Variants in AFF3 observed in about 807,000 individuals in gnomAD.
AFF3 encodes ALF transcription elongation factor 3.
In AFF3, 32 loss-of-function variants were observed where a neutral mutation model predicts 129.7. The observed-to-expected ratio is 0.25, with a 90% CI of 0.19 to 0.33. The LOEUF (loss-of-function observed/expected upper bound fraction) is 0.33. Among genes scored for constraint, AFF3 ranks in the 10% least tolerant of loss-of-function variants. The probability of loss-of-function intolerance (pLI) is 1.00; values close to 1 mark genes in which losing one functional copy is unlikely to be tolerated. For synonymous variants in AFF3, 644 were observed against 635.4 expected, an observed-to-expected ratio of 1.01 and a Z score of -0.20; for missense variants, 1,373 against 1,592.0, an observed-to-expected ratio of 0.86 and a Z score of 2.34.
At chr2:99,720,828 G>A (rs1172439401) in intron 11 of AFF3, among the ~76,000 whole-genome samples, 2 of 151,898 alleles carry the variant, frequency 1.3e-5, no homozygotes, top group Non-Finnish European at 2.9e-5. Flanking sequence ...GTTTCTCTGG[G>A]TATTATACCA....
At chr2:99,917,348 G>C (rs1330223989) in intron 7 of AFF3, among the ~76,000 whole-genome samples, 2 of 152,152 alleles carry the variant, frequency 1.3e-5, no homozygotes, top group Admixed American at 6.5e-5. Context: ...AGGAGATCCT[G>C]ATGTGGTTCC....
At chr2:99,777,968 A>AT (rs1575952539) in intron 8 of AFF3, among the ~76,000 whole-genome samples, 1 of 151,718 alleles carries the variant, frequency 6.6e-6, no homozygotes, top group East Asian at 1.9e-4. Context: ...AAAAAAAAAA[A>AT]AAACAAAATG....
chr2:99,673,030 A>G (rs779901204), intron 11 of AFF3, among the ~76,000 whole-genome samples: 12 of 152,172 alleles, frequency 7.9e-5, no homozygotes, highest in Admixed American at 3.9e-4. Context: ...ACCTGAAAAT[A>G]GCAATAAAAA....
chr2:99,842,307 A>G (rs1008097800), intron 7 of AFF3, among the ~76,000 whole-genome samples: 2 of 152,190 alleles, frequency 1.3e-5, no homozygotes, highest in Admixed American at 6.5e-5. Flanking sequence ...TTCCATGTTT[A>G]TCAACAAGAT....
intron 7 of AFF3, among the ~76,000 whole-genome samples, chr2:99,913,689 T>C (rs1447577703): frequency 6.6e-6 from 1 of 152,060 alleles, no homozygotes; most frequent in Non-Finnish European, 1.5e-5. Context: ...TAGGTTGGGG[T>C]TGTAGAATGA....
rs200480543 is a variant in AFF3 at position 99,868,283 on chromosome 2, A to AT, written c.874-30760dup. Reference sequence around the variant, plus strand: ...CAATAACTAAAATCTAGATCTTTTGATTTTTTTTTAATGCTAAAGTAGCTA... The same window carrying AT: ...CAATAACTAAAATCTAGATCTTTTGATTTTTTTTTTAATGCTAAAGTAGCTA... On this transcript the variant is annotated intron_variant, in intron 7 of 24. Transcript: ENST00000672756. 1.6e-4 allele frequency among the ~76,000 whole-genome samples: 24 copies of AT among 151,308 alleles called. 1 individual carries two copies. Among genetic ancestry groups the AT allele is most frequent in the East Asian group, 1.4e-3 (7 of 5,164 alleles).
chr2:99,779,845 C>G (rs2105372433), intron 8 of AFF3, among the ~76,000 whole-genome samples: 1 of 152,290 alleles, frequency 6.6e-6, no homozygotes, highest in Admixed American at 6.5e-5. Context: ...AGAAACTTCT[C>G]CAAGGATACA....
intron 4 of AFF3, among the ~76,000 whole-genome samples, chr2:100,081,573 A>G (rs2105357582): frequency 6.6e-6 from 1 of 152,222 alleles, no homozygotes; most frequent in African/African-American, 2.4e-5. Flanking sequence ...CTTAGGAACC[A>G]TTTGGCCTCT....
chr2:99,759,309 A>C (rs1682386424), intron 8 of AFF3, among the ~76,000 whole-genome samples: 1 of 152,240 alleles, frequency 6.6e-6, no homozygotes, highest in African/African-American at 2.4e-5. Flanking sequence ...AATCCTAATA[A>C]TCTCTTTTAA....
chr2:99,941,317 C>T (rs1675022374), intron 7 of AFF3, among the ~76,000 whole-genome samples: 1 of 152,180 alleles, frequency 6.6e-6, no homozygotes, highest in Non-Finnish European at 1.5e-5. Context: ...GCTCTCACTG[C>T]TACTAAAGGC....
intron 7 of AFF3, among the ~76,000 whole-genome samples, chr2:99,950,831 T>C (rs1167475958): frequency 6.6e-6 from 1 of 152,208 alleles, no homozygotes; most frequent in African/African-American, 2.4e-5. Context: ...AAAACGTACT[T>C]CCTATGACAA....
At chr2:99,564,474 A>C (rs1278166233) in intron 20 of AFF3, among the ~76,000 whole-genome samples, 1 of 152,196 alleles carries the variant, frequency 6.6e-6, no homozygotes, top group East Asian at 1.9e-4. Flanking sequence ...CAATATATTG[A>C]TTTAGTAGAA....
chr2:99,831,126 A>G (rs1051253348), intron 8 of AFF3, among the ~76,000 whole-genome samples: 4 of 152,232 alleles, frequency 2.6e-5, no homozygotes, highest in Non-Finnish European at 5.9e-5. Flanking sequence ...GACAATGTAC[A>G]GGCTCCACAC....
intron 7 of AFF3, among the ~76,000 whole-genome samples, chr2:99,938,679 G>A (rs973115444): frequency 1.1e-4 from 16 of 152,184 alleles, no homozygotes; most frequent in Non-Finnish European, 2.1e-4. Context: ...CCTCAGGGAA[G>A]AGGGAATTCT....
intron 7 of AFF3, chr2:100,006,416 T>G: frequency 1.8e-6 from 1 of 555,342 alleles, no homozygotes; most frequent in Non-Finnish European, 3.0e-6. Flanking sequence ...CACAACTGCA[T>G]TTGCTGGAAC....
At chr2:99,748,038 G>C (rs887787940) in intron 9 of AFF3, among the ~76,000 whole-genome samples, 1 of 152,056 alleles carries the variant, frequency 6.6e-6, no homozygotes, top group African/African-American at 2.4e-5. Flanking sequence ...GTGTCTGCTG[G>C]CAAACCTCGG....
chr2:99,660,318 T>C (rs1686116069), intron 12 of AFF3, among the ~76,000 whole-genome samples: 3 of 152,262 alleles, frequency 2.0e-5, no homozygotes, highest in African/African-American at 7.2e-5. Flanking sequence ...CAATCTGGGC[T>C]TGAAGAACTT....
intron 8 of AFF3, among the ~76,000 whole-genome samples, chr2:99,756,609 AT>A (rs1682120266): frequency 6.6e-6 from 1 of 152,122 alleles, no homozygotes; most frequent in South Asian, 2.1e-4. Context: ...TTTAACATCA[AT>A]CTTTCCTTCT....
chr2:99,892,577 G>T (rs1693652199), intron 7 of AFF3, among the ~76,000 whole-genome samples: 1 of 152,136 alleles, frequency 6.6e-6, no homozygotes, highest in Non-Finnish European at 1.5e-5. Flanking sequence ...AAGAAAGCAG[G>T]CCTACTGTTT....
Sources: gnomAD v4.1 joint callset for allele counts (sites outside exome capture counted in the v4.1 genomes callset) on GRCh38, gnomAD v4.1.1 for gene constraint, MANE v1.5 for transcripts, NCBI Gene and HGNC (gene_info 2026-07-23, HGNC 2026-07-21) for gene names.